USP15: variants seen among roughly 807,000 people sequenced by gnomAD.
USP15 encodes the protein ubiquitin carboxyl-terminal hydrolase 15.
A neutral mutation model predicts 127.1 loss-of-function variants in USP15; 18 were observed. That is an observed-to-expected ratio of 0.14 (90% CI 0.10 to 0.21). The LOEUF (loss-of-function observed/expected upper bound fraction) is 0.21, where lower values mean the gene tolerates loss of function less well. Ranked by LOEUF, USP15 falls within the 10% of genes least tolerant of loss-of-function variation. The pLI, the probability that USP15 is intolerant of heterozygous loss-of-function variation, is 1.00. For synonymous variants in USP15, 364 were observed against 393.7 expected (o/e 0.92, Z 0.89); for missense variants, 805 against 1,159.9 (o/e 0.69, Z 4.44).
At chr12:62,351,075 A>G (rs1226496942) in intron 7 of USP15, among the ~76,000 whole-genome samples, 1 of 152,138 alleles carries the variant, frequency 6.6e-6, no homozygotes, top group African/African-American at 2.4e-5. Context: ...GAGTGTTTGG[A>G]GTACTAGAAT....
chr12:62,335,811 C>T, intron 6 of USP15: 1 of 985,308 alleles, frequency 1.0e-6, no homozygotes. Context: ...TTCTTTTAAC[C>T]TAGTTTATTT....
intron 11 of USP15, among the ~76,000 whole-genome samples, chr12:62,388,731 CAA>C (rs2067232724): frequency 1.3e-5 from 2 of 152,088 alleles, no homozygotes; most frequent in African/African-American, 4.8e-5. Flanking sequence ...TGGGAGAAAA[CAA>C]GAGTTAAAAG....
At chr12:62,397,363 T>G (rs2067524298) in intron 20 of USP15, among the ~76,000 whole-genome samples, 1 of 152,238 alleles carries the variant, frequency 6.6e-6, no homozygotes, top group African/African-American at 2.4e-5. Context: ...ATCTAGGCTT[T>G]GCAGCCATAA....
chr12:62,365,030 G>A (rs114694354), intron 8 of USP15, among the ~76,000 whole-genome samples: 3,354 of 152,222 alleles, frequency 0.022, 126 homozygotes, highest in African/African-American at 0.075. Context: ...GTGTGCATGT[G>A]TCTTTTTAAT....
At chr12:62,262,170 G>C (rs544340563) in intron 1 of USP15, among the ~76,000 whole-genome samples, 11 of 152,190 alleles carry the variant, frequency 7.2e-5, no homozygotes, top group South Asian at 4.1e-4. Flanking sequence ...CCTAGGAAGC[G>C]GAGGTTGCAG....
At chr12:62,400,830 T>C (rs2067663265) in intron 20 of USP15, among the ~76,000 whole-genome samples, 1 of 152,088 alleles carries the variant, frequency 6.6e-6, no homozygotes, top group Non-Finnish European at 1.5e-5. Context: ...ATAATAATGA[T>C]AATACCTTCT....
rs1367212978 is a variant in USP15, at chr12:62,392,288, A to G, written c.2321A>G (p.Glu774Gly). The change falls in exon 18 of 22, where the codon GAA becomes GGA. Residue 774 changes from glutamate to glycine, a missense_variant. Around this residue, in one of 11 missense-constraint regions of USP15, gnomAD observed 225 missense variants for 239.5 expected, o/e 0.94. Transcript: ENST00000280377. ...TCTCTTTAGGACTTTGAAAAACATGAAAGTGTGGAGTATAAACCTCCTAAA... is the reference window on the plus strand; with the variant it reads ...TCTCTTTAGGACTTTGAAAAACATGGAAGTGTGGAGTATAAACCTCCTAAA... ...ENAAEDFEKH[E>G]SVEYKPPKKP... 3 of 1,596,660 alleles carry G rather than the reference A, an allele frequency of 1.9e-6. No individual in the cohort carries two copies. Among genetic ancestry groups the G allele is most frequent in the Admixed American group, 1.8e-5 (1 of 55,474 alleles).
At chr12:62,342,515 G>A (rs774138558) in intron 6 of USP15, among the ~76,000 whole-genome samples, 10 of 152,140 alleles carry the variant, frequency 6.6e-5, no homozygotes, top group Non-Finnish European at 1.0e-4. Context: ...CAGCGTTTTT[G>A]TGCTGGTTTA....
At chr12:62,355,827 T>G (rs1415152387) in intron 8 of USP15, among the ~76,000 whole-genome samples, 2 of 141,882 alleles carry the variant, frequency 1.4e-5, no homozygotes, top group African/African-American at 5.5e-5. Context: ...TTTTTTTTCT[T>G]TTTTTTTTTT....
At chr12:62,400,613 T>TA (rs5798641) in intron 20 of USP15, among the ~76,000 whole-genome samples, 35,430 of 137,310 alleles carry the variant, frequency 0.26, 5,311 homozygotes, top group African/African-American at 0.45. Context: ...ATTCTGGTGT[T>TA]AAAAAAAAAA....
chr12:62,355,405 A>G lies in USP15; in HGVS notation c.845A>G (p.Asn282Ser). 1 of 1,611,622 alleles carries G rather than the reference A, an allele frequency of 6.2e-7. No individual in the cohort carries two copies. ...KNYDYSEPGRNNEQPGLCGLS... is the reference protein window; with the variant it reads ...KNYDYSEPGRSNEQPGLCGLS... ...TATGATTATTCGGAACCTGGAAGAAACAATGAACAGCCAGGCCTCTGTGGC... is the reference window on the plus strand; with the variant it reads ...TATGATTATTCGGAACCTGGAAGAAGCAATGAACAGCCAGGCCTCTGTGGC... Residue 282 changes from asparagine (N) to serine (S), a missense_variant, in exon 8 of 22, where the codon AAC becomes AGC. Coordinates refer to ENST00000280377, the MANE Select transcript of USP15 (RefSeq NM_001252078.2).
At chr12:62,358,666 A>G (rs746269096) in intron 8 of USP15, among the ~76,000 whole-genome samples, 5 of 152,166 alleles carry the variant, frequency 3.3e-5, no homozygotes, top group African/African-American at 4.8e-5. Context: ...CAGTGAGCCA[A>G]GATTACACCA....
At chr12:62,284,597 C>T (rs1258996152) in intron 1 of USP15, among the ~76,000 whole-genome samples, 1 of 152,056 alleles carries the variant, frequency 6.6e-6, no homozygotes, top group Non-Finnish European at 1.5e-5. Context: ...AAAAGAAACA[C>T]TAGAATGGAT....
At chr12:62,375,096 G>C (rs2137540570) in intron 8 of USP15, among the ~76,000 whole-genome samples, 1 of 152,136 alleles carries the variant, frequency 6.6e-6, no homozygotes, top group East Asian at 1.9e-4. Context: ...TGAGACATTT[G>C]ATTATTTAGA....
At chr12:62,274,924 G>T (rs1316870928) in intron 1 of USP15, among the ~76,000 whole-genome samples, 1 of 152,150 alleles carries the variant, frequency 6.6e-6, no homozygotes, top group Non-Finnish European at 1.5e-5. Flanking sequence ...AAATCAAGCA[G>T]CTATCATAGT....
chr12:62,358,533 G>A (rs920823851), intron 8 of USP15, among the ~76,000 whole-genome samples: 1 of 152,148 alleles, frequency 6.6e-6, no homozygotes, highest in African/African-American at 2.4e-5. Context: ...TGGCCAACAT[G>A]ATGAAAGCTC....
At chr12:62,352,866 A>C (rs1417036109) in intron 7 of USP15, among the ~76,000 whole-genome samples, 1 of 151,994 alleles carries the variant, frequency 6.6e-6, no homozygotes, top group Admixed American at 6.6e-5. Flanking sequence ...ATTTTTATTA[A>C]AGAAGGATAT....
At chr12:62,362,703 C>A (rs562014710) in intron 8 of USP15, among the ~76,000 whole-genome samples, 1 of 152,116 alleles carries the variant, frequency 6.6e-6, no homozygotes, top group Non-Finnish European at 1.5e-5. Context: ...AGGTGACTCT[C>A]ACTCTCATAA....
intron 2 of USP15, among the ~76,000 whole-genome samples, chr12:62,298,442 G>A (rs1231707068): frequency 1.3e-5 from 2 of 152,088 alleles, no homozygotes; most frequent in Non-Finnish European, 2.9e-5. Flanking sequence ...CGAGGCAGGA[G>A]GATCACAAGG....
Sources: gnomAD v4.1 joint callset for allele counts (sites outside exome capture counted in the v4.1 genomes callset) on GRCh38, gnomAD v4.1.1 for gene constraint, gnomAD v4.1.1 regional missense constraint, MANE v1.5 for transcripts, NCBI Gene and HGNC (gene_info 2026-07-23, HGNC 2026-07-21) for gene names.